Variants in ASXL3 observed in about 807,000 individuals in gnomAD.
The protein encoded by ASXL3 is putative Polycomb group protein ASXL3.
Under a neutral mutation model 170.6 loss-of-function variants are expected in ASXL3, and 34 were observed. The observed-to-expected ratio is 0.20, with a 90% CI of 0.15 to 0.27. The LOEUF is 0.27. Ranked by LOEUF, ASXL3 falls within the 10% of genes least tolerant of loss-of-function variation. The pLI, the probability that ASXL3 is intolerant of heterozygous loss-of-function variation, is 1.00. For missense variants in ASXL3, 2,592 were observed against 2,695.3 expected, an observed-to-expected ratio of 0.96 and a Z score of 0.85; for synonymous variants, 1,002 against 989.1, an observed-to-expected ratio of 1.01 and a Z score of -0.24.
At chr18:33,682,761 A>G (rs1439119466) in intron 7 of ASXL3, among the ~76,000 whole-genome samples, 1 of 152,166 alleles carries the variant, frequency 6.6e-6, no homozygotes, top group East Asian at 1.9e-4. Flanking sequence ...CATGTTGCCC[A>G]AACGGGCCTT....
intron 1 of ASXL3, among the ~76,000 whole-genome samples, chr18:33,579,986 A>G (rs1048523803): frequency 2.6e-5 from 4 of 152,200 alleles, no homozygotes; most frequent in African/African-American, 4.8e-5. Context: ...TCTGGTATGT[A>G]TCTGGATTCT....
chr18:33,702,672 T>C (rs2066893721), intron 8 of ASXL3, among the ~76,000 whole-genome samples: 1 of 152,192 alleles, frequency 6.6e-6, no homozygotes, highest in African/African-American at 2.4e-5. Context: ...GTTTGGGGAA[T>C]GGGATAATTA....
rs2065894452 is a variant in ASXL3 at position 33,644,752 on chromosome 18, A to G, written c.138-142A>G. The G allele has an allele frequency of 1.1e-5, 5 of 465,294 alleles. No homozygotes were observed. The East Asian group carries it at 1.3e-4, about 12-fold the overall frequency. The allele number at this position is 465,294 out of a possible 1,614,324, so 28.8% of individuals were successfully genotyped here. ...TAGATGTTTTCAGGGTTGAGAGGGTATTTTTAAAAGGCATGCAAAGAGGTC... is the reference window on the plus strand; with the variant it reads ...TAGATGTTTTCAGGGTTGAGAGGGTGTTTTTAAAAGGCATGCAAAGAGGTC... On this transcript the variant is annotated intron_variant, in intron 2 of 11. Transcript: ENST00000269197.
intron 8 of ASXL3, among the ~76,000 whole-genome samples, chr18:33,711,987 A>C (rs2067073425): frequency 6.6e-6 from 1 of 152,136 alleles, no homozygotes; most frequent in South Asian, 2.1e-4. Flanking sequence ...AGTTCCATGT[A>C]CTCCTCCAAT....
chr18:33,593,697 A>G (rs1207245380), intron 1 of ASXL3, among the ~76,000 whole-genome samples: 3 of 152,156 alleles, frequency 2.0e-5, no homozygotes, highest in African/African-American at 7.2e-5. Flanking sequence ...TCTCACAAAC[A>G]GGGATTAAGT....
At chr18:33,635,746 C>T (rs562782711) in intron 2 of ASXL3, among the ~76,000 whole-genome samples, 17 of 152,274 alleles carry the variant, frequency 1.1e-4, no homozygotes, top group African/African-American at 3.9e-4. Context: ...TATAAGATGG[C>T]CACTGCAGCC....
chr18:33,699,572 A>G (rs2066834595), intron 8 of ASXL3, among the ~76,000 whole-genome samples: 1 of 152,100 alleles, frequency 6.6e-6, no homozygotes, highest in African/African-American at 2.4e-5. Flanking sequence ...TGACAGACAC[A>G]ATTTTAGTAG....
intron 2 of ASXL3, among the ~76,000 whole-genome samples, chr18:33,632,583 C>T (rs2065695182): frequency 6.6e-6 from 1 of 152,148 alleles, no homozygotes. Flanking sequence ...CAGTCCTAAA[C>T]TCCTTCTTCT....
At chr18:33,691,610 A>G (rs2066687372) in intron 8 of ASXL3, among the ~76,000 whole-genome samples, 1 of 152,242 alleles carries the variant, frequency 6.6e-6, no homozygotes, top group African/African-American at 2.4e-5. Context: ...AATAAGTTAC[A>G]GTTCCTATCC....
intron 1 of ASXL3, among the ~76,000 whole-genome samples, chr18:33,586,561 C>G (rs1208358560): frequency 1.3e-5 from 2 of 152,002 alleles, no homozygotes; most frequent in East Asian, 3.9e-4. Flanking sequence ...CTTTCCATCA[C>G]TTTTAACTCT....
At chr18:33,636,061 G>A (rs1451337852) in intron 2 of ASXL3, among the ~76,000 whole-genome samples, 2 of 152,256 alleles carry the variant, frequency 1.3e-5, no homozygotes, top group Non-Finnish European at 2.9e-5. Context: ...GCAAAGTATC[G>A]TGATTGTTCT....
rs1305455792 is a variant in ASXL3 at position 33,578,226 on chromosome 18, ATTG to A, written c.-401_-399del. ...GCCATTCCCCGTGACGTCAGAGTGT[ATTG>A]TTGTGAGCGGGGCCGAGCGGAGCAT... On this transcript the variant is annotated 5_prime_UTR_variant, in exon 1 of 12. Coordinates refer to ENST00000269197, the MANE Select transcript of ASXL3 (RefSeq NM_030632.3). 4 of 151,444 alleles carry A rather than the reference ATTG, an allele frequency of 2.6e-5. No homozygotes were observed. Among genetic ancestry groups the A allele is most frequent in the Admixed American group, 2.0e-4 (3 of 15,200 alleles). The allele number at this position is 151,444 out of a possible 1,614,324, so 9.4% of individuals were successfully genotyped here.
intron 5 of ASXL3, among the ~76,000 whole-genome samples, chr18:33,665,417 T>C (rs2066241808): frequency 6.6e-6 from 1 of 152,238 alleles, no homozygotes; most frequent in South Asian, 2.1e-4. Context: ...CATTGACATT[T>C]ATCACACTAG....
chr18:33,695,963 T>C (rs2066768460), intron 8 of ASXL3, among the ~76,000 whole-genome samples: 1 of 152,140 alleles, frequency 6.6e-6, no homozygotes, highest in African/African-American at 2.4e-5. Context: ...GAATGGTAAA[T>C]GACTTAACAT....
intron 2 of ASXL3, among the ~76,000 whole-genome samples, chr18:33,612,355 A>C (rs1013930581): frequency 7.9e-5 from 12 of 152,092 alleles, no homozygotes; most frequent in African/African-American, 2.9e-4. Flanking sequence ...GACTATAAAT[A>C]TATATTCCAG....
intron 8 of ASXL3, among the ~76,000 whole-genome samples, chr18:33,688,251 C>T (rs1370165267): frequency 2.0e-5 from 3 of 152,146 alleles, no homozygotes; most frequent in Admixed American, 6.5e-5. Flanking sequence ...AAATGGTGCA[C>T]TTGTGGTAGA....
intron 2 of ASXL3, among the ~76,000 whole-genome samples, chr18:33,626,141 TAC>T (rs2065599220): frequency 6.6e-6 from 1 of 152,174 alleles, no homozygotes; most frequent in African/African-American, 2.4e-5. Context: ...CAACTTTAAA[TAC>T]TCTATGTAAT....
chr18:33,617,316 A>G (rs896466452), intron 2 of ASXL3, among the ~76,000 whole-genome samples: 4 of 151,912 alleles, frequency 2.6e-5, no homozygotes, highest in African/African-American at 9.7e-5. Flanking sequence ...ACACGGTGAA[A>G]CCCATCTCTA....
At chr18:33,616,052 A>G (rs1268116406) in intron 2 of ASXL3, among the ~76,000 whole-genome samples, 1 of 152,168 alleles carries the variant, frequency 6.6e-6, no homozygotes, top group African/African-American at 2.4e-5. Context: ...ATAACTGTGT[A>G]ATCTCTAATA....
Sources: allele counts gnomAD v4.1 joint callset (sites outside exome capture counted in the v4.1 genomes callset), GRCh38; gene constraint gnomAD v4.1.1; transcripts MANE v1.5; gene names NCBI Gene and HGNC (gene_info 2026-07-23, HGNC 2026-07-21).